SLCO5A1: variants seen among roughly 807,000 people sequenced by gnomAD.
SLCO5A1 encodes the protein solute carrier organic anion transporter family member 5A1, also known as organic anion transporter polypeptide-related protein 4.
A neutral mutation model predicts 65.1 loss-of-function variants in SLCO5A1; 39 were observed. The ratio of observed to expected loss-of-function variants is 0.60; its 90% CI spans 0.46 to 0.78. The LOEUF (loss-of-function observed/expected upper bound fraction) is 0.78. SLCO5A1 is among the 30% of genes least tolerant of loss of function. The probability of loss-of-function intolerance (pLI) is 0.00; values close to 1 mark genes in which losing one functional copy is unlikely to be tolerated. For synonymous variants in SLCO5A1, 438 were observed against 415.7 expected, an observed-to-expected ratio of 1.05 and a Z score of -0.65; for missense variants, 1,029 against 1,069.4, an observed-to-expected ratio of 0.96 and a Z score of 0.53.
chr8:69,782,546 C>T (rs1257882319), intron 2 of SLCO5A1, among the ~76,000 whole-genome samples: 1 of 144,606 alleles, frequency 6.9e-6, no homozygotes, highest in East Asian at 2.0e-4. Context: ...TGCCACTGCA[C>T]TCCAGTTTGG....
chr8:69,736,062 C>G (rs1191060399), intron 5 of SLCO5A1, among the ~76,000 whole-genome samples: 1 of 152,162 alleles, frequency 6.6e-6, no homozygotes. Flanking sequence ...TGGCTATGAT[C>G]AAAACAAACA....
chr8:69,828,413 T>C (rs1399310866), intron 2 of SLCO5A1, among the ~76,000 whole-genome samples: 1 of 151,980 alleles, frequency 6.6e-6, no homozygotes, highest in Non-Finnish European at 1.5e-5. Flanking sequence ...CCATCCTGGC[T>C]AACATGGTGA....
chr8:69,676,597 T>G lies in SLCO5A1; in HGVS notation c.2089+12A>C. The G allele has an allele frequency of 6.2e-7, 1 of 1,609,880 alleles. No individual in the cohort carries two copies. Among genetic ancestry groups the G allele is most frequent in the South Asian group, 1.1e-5 (1 of 90,300 alleles). ...GGAACTAAGAGGTACACTTGGAAATTCAGGGACGTACCAAGTGTTCGCAAC... is the reference window on the plus strand; with the variant it reads ...GGAACTAAGAGGTACACTTGGAAATGCAGGGACGTACCAAGTGTTCGCAAC... On this transcript the variant is annotated intron_variant, in intron 9 of 9. Transcript: ENST00000260126.
chr8:69,702,186 T>C (rs754273762), intron 6 of SLCO5A1, among the ~76,000 whole-genome samples: 1 of 152,214 alleles, frequency 6.6e-6, no homozygotes, highest in Non-Finnish European at 1.5e-5. Flanking sequence ...ATAAAAATTA[T>C]TCTTAATTTA....
At chr8:69,702,011 T>C (rs1386414042) in intron 6 of SLCO5A1, among the ~76,000 whole-genome samples, 2 of 152,218 alleles carry the variant, frequency 1.3e-5, no homozygotes, top group Non-Finnish European at 2.9e-5. Context: ...ATTTATATAG[T>C]ATTTCTGAAA....
intron 5 of SLCO5A1, among the ~76,000 whole-genome samples, chr8:69,723,863 C>T (rs1203432528): frequency 6.6e-6 from 1 of 151,514 alleles, no homozygotes; most frequent in Non-Finnish European, 1.5e-5. Flanking sequence ...ACCTCCGCCT[C>T]CCGGGTTCAA....
chr8:69,820,072 C>G lies in SLCO5A1; in HGVS notation c.907+11695G>C, dbSNP rs187916636. 1.3e-3 allele frequency among the ~76,000 whole-genome samples: 203 copies of G among 152,340 alleles called. 1 individual carries two copies. Among genetic ancestry groups the G allele is most frequent in the African/African-American group, 4.8e-3 (198 of 41,576 alleles). ...GGAGTCATTCAGCACTCACTCCACCCTCCTCTCACCTGTCTTCCTCTCCCA... is the reference window on the plus strand; with the variant it reads ...GGAGTCATTCAGCACTCACTCCACCGTCCTCTCACCTGTCTTCCTCTCCCA... On this transcript the variant is annotated intron_variant, in intron 2 of 9. Transcript: ENST00000260126.
At chr8:69,734,288 C>T (rs1816461369) in intron 5 of SLCO5A1, among the ~76,000 whole-genome samples, 1 of 152,134 alleles carries the variant, frequency 6.6e-6, no homozygotes, top group African/African-American at 2.4e-5. Context: ...CTTTATCCAC[C>T]CCTGCTGCTT....
At position 69,802,083 on chromosome 8, in the gene SLCO5A1, T is replaced by C. The variant is rs184646610; in HGVS notation, c.907+29684A>G. On this transcript the variant is annotated intron_variant, in intron 2 of 9. Transcript: ENST00000260126. Reference sequence around the variant, plus strand: ...TTTCAAAGAACATCAGTCTACGAGGTGATTGTGGGAGTAAAATTTTCATGG... The same window carrying C: ...TTTCAAAGAACATCAGTCTACGAGGCGATTGTGGGAGTAAAATTTTCATGG... Among the ~76,000 whole-genome samples the C allele has an allele frequency of 1.7e-3, 264 of 152,144 alleles. 1 individual carries two copies. Among genetic ancestry groups the C allele is most frequent in the Non-Finnish European group, 3.1e-3 (208 of 68,008 alleles).
intron 5 of SLCO5A1, among the ~76,000 whole-genome samples, chr8:69,733,376 G>C (rs1243500932): frequency 1.3e-5 from 2 of 152,144 alleles, no homozygotes; most frequent in South Asian, 4.1e-4. Context: ...CATAGAGAGA[G>C]ACAGGGGAGA....
At chr8:69,729,496 C>T (rs1816241721) in intron 5 of SLCO5A1, among the ~76,000 whole-genome samples, 1 of 134,798 alleles carries the variant, frequency 7.4e-6, no homozygotes, top group Non-Finnish European at 1.6e-5. Context: ...GAGTAAAGCA[C>T]ATCAAACACC....
intron 4 of SLCO5A1, among the ~76,000 whole-genome samples, 184 bp downstream of exon 4, chr8:69,755,240 A>C (rs1817489417): frequency 6.6e-6 from 1 of 152,230 alleles, no homozygotes; most frequent in Admixed American, 6.5e-5. Context: ...TTTTTAAATT[A>C]TTCTTAGATG....
intron 6 of SLCO5A1, 53 bp from the exon 7 acceptor site, chr8:69,682,396 T>C (rs1813823455): frequency 1.4e-6 from 2 of 1,428,174 alleles, no homozygotes; most frequent in East Asian, 2.7e-5. Context: ...ATAAAACTCA[T>C]AGGAAAGGTC....
chr8:69,782,619 T>C (rs1818844228), intron 2 of SLCO5A1, among the ~76,000 whole-genome samples: 2 of 151,986 alleles, frequency 1.3e-5, no homozygotes, highest in Admixed American at 1.3e-4. Flanking sequence ...TTTATTTTTG[T>C]TATCTGACAA....
intron 2 of SLCO5A1, among the ~76,000 whole-genome samples, chr8:69,810,798 T>G (rs761793270): frequency 6.6e-6 from 1 of 152,210 alleles, no homozygotes; most frequent in Non-Finnish European, 1.5e-5. Flanking sequence ...TAAAATTTCC[T>G]GCTCAGCTGC....
At chr8:69,706,914 G>A (rs1379711523) in intron 5 of SLCO5A1, among the ~76,000 whole-genome samples, 2 of 152,186 alleles carry the variant, frequency 1.3e-5, no homozygotes, top group Admixed American at 6.5e-5. Flanking sequence ...TTGGGAGGCC[G>A]AGGCTGGCGG....
chr8:69,834,413 C>T (rs893518735), intron 1 of SLCO5A1, among the ~76,000 whole-genome samples: 4 of 152,220 alleles, frequency 2.6e-5, no homozygotes, highest in African/African-American at 9.6e-5. Context: ...CCAAGGGTGG[C>T]CGCTCCGGCA....
chr8:69,710,309 G>A (rs1191936452), intron 5 of SLCO5A1, among the ~76,000 whole-genome samples: 1 of 151,470 alleles, frequency 6.6e-6, no homozygotes, highest in African/African-American at 2.4e-5. Context: ...GTGAGCCACC[G>A]CGCCCGACCG....
At chr8:69,797,835 G>A (rs952646394) in intron 2 of SLCO5A1, among the ~76,000 whole-genome samples, 4 of 152,086 alleles carry the variant, frequency 2.6e-5, no homozygotes, top group Non-Finnish European at 4.4e-5. Context: ...ATTTTGCCCC[G>A]GTCCTGTGGT....
Sources: allele counts gnomAD v4.1 joint callset (sites outside exome capture counted in the v4.1 genomes callset), GRCh38; gene constraint gnomAD v4.1.1; transcripts MANE v1.5; gene names NCBI Gene and HGNC (gene_info 2026-07-23, HGNC 2026-07-21).